Variants in RANBP2 observed in about 807,000 individuals in gnomAD.
The protein encoded by RANBP2 is RAN binding protein 2.
A neutral mutation model predicts 303.6 loss-of-function variants in RANBP2; 57 were observed. That is an observed-to-expected ratio of 0.19 (90% CI 0.15 to 0.23). RANBP2 has a LOEUF of 0.23. RANBP2 is among the 10% of genes least tolerant of loss of function. RANBP2 has a pLI of 1.00. For synonymous variants in RANBP2, 1,167 were observed against 1,301.5 expected, an observed-to-expected ratio of 0.90 and a Z score of 2.23; for missense variants, 3,138 against 3,780.8, an observed-to-expected ratio of 0.83 and a Z score of 4.46.
the RANBP2 span, among the ~76,000 whole-genome samples, chr2:109,276,006 C>T: frequency 6.6e-6 from 1 of 152,200 alleles, no homozygotes; most frequent in East Asian, 1.9e-4. Context: ...CATTTGGTCT[C>T]CAATCCTGGA....
the RANBP2 span, among the ~76,000 whole-genome samples, chr2:109,266,482 A>G: frequency 1.3e-5 from 2 of 152,108 alleles, no homozygotes; most frequent in Non-Finnish European, 2.9e-5. Context: ...CCAGAACGGT[A>G]TCCTTAATCT....
the RANBP2 span, chr2:109,130,237 C>A: frequency 1.1e-6 from 1 of 935,762 alleles, no homozygotes; most frequent in Non-Finnish European, 1.4e-6. Context: ...GCCCACTCCG[C>A]TGTTGCTCTT....
the RANBP2 span, among the ~76,000 whole-genome samples, chr2:109,320,256 C>T: frequency 2.7e-4 from 41 of 152,232 alleles, no homozygotes; most frequent in African/African-American, 9.4e-4. Flanking sequence ...CAGAGGAGGG[C>T]GGTGGGAATG....
chr2:109,535,480 A>AG, the RANBP2 span, among the ~76,000 whole-genome samples: 1 of 152,146 alleles, frequency 6.6e-6, no homozygotes, highest in South Asian at 2.1e-4. Flanking sequence ...TGACTGTACT[A>AG]GGCCAAGTGG....
the RANBP2 span, among the ~76,000 whole-genome samples, chr2:108,808,073 C>A: frequency 9.9e-5 from 15 of 152,266 alleles, no homozygotes; most frequent in African/African-American, 3.6e-4. Context: ...ATTTATCATT[C>A]TGTACTTGGC....
chr2:109,437,918 G>A, the RANBP2 span, among the ~76,000 whole-genome samples: 1 of 152,132 alleles, frequency 6.6e-6, no homozygotes, highest in Non-Finnish European at 1.5e-5. Flanking sequence ...AGCCAGTGAT[G>A]CTGACATGAT....
chr2:108,742,016 G>A (rs1355276523), intron 7 of RANBP2, among the ~76,000 whole-genome samples: 1 of 151,546 alleles, frequency 6.6e-6, no homozygotes, highest in African/African-American at 2.4e-5. Flanking sequence ...TTCTTTTTGA[G>A]ACGGGGTTTT....
At chr2:108,858,805 A>G in the RANBP2 span, among the ~76,000 whole-genome samples, 2 of 151,846 alleles carry the variant, frequency 1.3e-5, no homozygotes, top group South Asian at 4.2e-4. Flanking sequence ...GTCATTTAGG[A>G]TAATGGCATC....
At chr2:109,595,178 C>T in the RANBP2 span, among the ~76,000 whole-genome samples, 2 of 152,320 alleles carry the variant, frequency 1.3e-5, no homozygotes, top group Admixed American at 6.5e-5. Context: ...TGAGCCCCCA[C>T]GCCCAGCCAA....
chr2:109,537,611 G>A, the RANBP2 span, among the ~76,000 whole-genome samples: 11 of 151,948 alleles, frequency 7.2e-5, no homozygotes, highest in South Asian at 4.2e-4. Flanking sequence ...TATTGCTGCC[G>A]TAACAAATTA....
At chr2:109,263,070 T>G in the RANBP2 span, among the ~76,000 whole-genome samples, 1 of 152,140 alleles carries the variant, frequency 6.6e-6, no homozygotes, top group Non-Finnish European at 1.5e-5. Flanking sequence ...GGTCTCGAAC[T>G]CCTGACCTTA....
chr2:109,075,710 T>C, the RANBP2 span, among the ~76,000 whole-genome samples: 3 of 149,898 alleles, frequency 2.0e-5, 1 homozygote, highest in South Asian at 2.1e-4. Context: ...TGCCAACATA[T>C]TGGATAAAGT....
the RANBP2 span, among the ~76,000 whole-genome samples, chr2:109,374,506 A>AT: frequency 6.6e-6 from 1 of 152,192 alleles, no homozygotes; most frequent in Non-Finnish European, 1.5e-5. Context: ...CCGCACAGGC[A>AT]TTTGAGGTGG....
At chr2:109,100,570 G>A in the RANBP2 span, among the ~76,000 whole-genome samples, 1 of 152,202 alleles carries the variant, frequency 6.6e-6, no homozygotes, top group African/African-American at 2.4e-5. Context: ...TACCCCAGAA[G>A]AGCATTAAGA....
chr2:108,870,098 A>G, the RANBP2 span, among the ~76,000 whole-genome samples: 2 of 152,248 alleles, frequency 1.3e-5, no homozygotes, highest in African/African-American at 2.4e-5. Context: ...AATATGCTCA[A>G]TGAGTTAATG....
the RANBP2 span, among the ~76,000 whole-genome samples, chr2:109,647,595 A>G: frequency 8.6e-6 from 1 of 115,970 alleles, no homozygotes; most frequent in Non-Finnish European, 1.8e-5. Flanking sequence ...CAGCCTCCCT[A>G]GTAGCCGGGA....
the RANBP2 span, among the ~76,000 whole-genome samples, chr2:109,010,285 G>C: frequency 6.6e-6 from 1 of 151,958 alleles, no homozygotes; most frequent in Non-Finnish European, 1.5e-5. Flanking sequence ...CATCCTCTAC[G>C]GAAGGTAAGC....
chr2:109,527,390 T>C, the RANBP2 span, among the ~76,000 whole-genome samples: 2 of 151,500 alleles, frequency 1.3e-5, no homozygotes, highest in African/African-American at 4.8e-5. Context: ...GGGAAAGGAG[T>C]TTGAGTAACA....
chr2:109,623,558 C>T, the RANBP2 span, among the ~76,000 whole-genome samples: 1 of 152,188 alleles, frequency 6.6e-6, no homozygotes, highest in Admixed American at 6.5e-5. Context: ...AGAGTGACCC[C>T]GATGGATGGC....
Sources: allele counts gnomAD v4.1 joint callset (sites outside exome capture counted in the v4.1 genomes callset), GRCh38; gene constraint gnomAD v4.1.1; transcripts MANE v1.5; gene names NCBI Gene and HGNC (gene_info 2026-07-23, HGNC 2026-07-21).